STK17A: variants seen among roughly 807,000 people sequenced by gnomAD.
The protein encoded by STK17A is serine/threonine kinase 17a, also known as serine/threonine-protein kinase 17A.
Under a neutral mutation model 43.7 loss-of-function variants are expected in STK17A, and 26 were observed. The observed-to-expected ratio is 0.60, with a 90% CI of 0.44 to 0.83. The LOEUF is 0.83. Ranked by LOEUF, STK17A falls within the 40% of genes least tolerant of loss-of-function variation. The probability of loss-of-function intolerance (pLI) is 0.00; values close to 1 mark genes in which losing one functional copy is unlikely to be tolerated. For synonymous variants in STK17A, 191 were observed against 182.5 expected, an observed-to-expected ratio of 1.05 and a Z score of -0.38; for missense variants, 476 against 511.6, an observed-to-expected ratio of 0.93 and a Z score of 0.67.
chr7:43,592,492 A>C (rs958984319), intron 1 of STK17A, among the ~76,000 whole-genome samples: 2 of 152,178 alleles, frequency 1.3e-5, no homozygotes, highest in African/African-American at 4.8e-5. Flanking sequence ...ATAGCTGGGA[A>C]GGAAGAATTA....
chr7:43,624,173 A>T (rs2084237082), intron 6 of STK17A, among the ~76,000 whole-genome samples: 1 of 152,222 alleles, frequency 6.6e-6, no homozygotes, highest in African/African-American at 2.4e-5. Flanking sequence ...TATTATTGCA[A>T]ATGTGTCATG....
chr7:43,586,603 G>A (rs552645225), intron 1 of STK17A, among the ~76,000 whole-genome samples: 4 of 151,370 alleles, frequency 2.6e-5, no homozygotes, highest in African/African-American at 9.7e-5. Context: ...TAATTTTTTC[G>A]TGTTGATTTC....
At chr7:43,623,414 G>C in intron 4 of STK17A, 158 bp from the exon 5 acceptor site, 1 of 628,016 alleles carries the variant, frequency 1.6e-6, no homozygotes. Context: ...ATCTAGTTAG[G>C]CTTTATATTA....
At position 43,583,229 on chromosome 7, in the gene STK17A, G is replaced by A. The variant is rs2082412349; in HGVS notation, c.-15G>A. 1.3e-6 allele frequency: 2 copies of A among 1,556,170 alleles called. No homozygotes were observed. The highest frequency in any genetic ancestry group is 1.7e-4 in the Middle Eastern group (1 of 5,810). ...GAGTGAACAGGCGGCCAGGAAAGAA[G>A]CGGGCCTGAACACCATGATCCCTTT... On this transcript the variant is annotated 5_prime_UTR_variant, in exon 1 of 7. Transcript: ENST00000319357.
Position 43,624,766 on chromosome 7 carries a change from A to G in STK17A, c.1169A>G (p.Glu390Gly). The G allele has an allele frequency of 1.9e-6, 3 of 1,613,496 alleles. No homozygotes were observed. The highest frequency in any genetic ancestry group is 2.5e-6 in the Non-Finnish European group (3 of 1,179,634). ...QCRQSEKEKMEQKAISKRFKF... is the reference protein window; with the variant it reads ...QCRQSEKEKMGQKAISKRFKF... The stretch of plus-strand genomic sequence containing the variant: ...AGACAGTCTGAAAAAGAGAAAATGG[A>G]GCAAAAGGCCATTTCCAAACGATTT... Residue 390 changes from glutamate to glycine, a missense_variant, in exon 7 of 7, where the codon GAG becomes GGG. Coordinates refer to ENST00000319357, the MANE Select transcript of STK17A (RefSeq NM_004760.3).
intron 1 of STK17A, among the ~76,000 whole-genome samples, chr7:43,584,503 C>T (rs1426314211): frequency 6.6e-6 from 1 of 152,218 alleles, no homozygotes; most frequent in Non-Finnish European, 1.5e-5. Context: ...TTATTGCCAG[C>T]ATTTGTCATG....
intron 2 of STK17A, among the ~76,000 whole-genome samples, chr7:43,605,658 C>T (rs539428723): frequency 6.6e-6 from 1 of 151,948 alleles, no homozygotes; most frequent in South Asian, 2.1e-4. Flanking sequence ...CTGCTGCATT[C>T]CACTTCTGCT....
intron 1 of STK17A, among the ~76,000 whole-genome samples, chr7:43,594,755 A>G (rs1431950337): frequency 1.3e-5 from 2 of 152,000 alleles, no homozygotes; most frequent in African/African-American, 2.4e-5. Context: ...TTGTGTCCCT[A>G]TTATACAGAT....
rs968530739 is a variant in STK17A, at chr7:43,625,679, A to C, written c.*837A>C. On this transcript the variant is annotated 3_prime_UTR_variant, in exon 7 of 7. Transcript: ENST00000319357. The stretch of plus-strand genomic sequence containing the variant: ...TAGGTATCAGTGTGATCTGATCAAC[A>C]CTCTGGTTACCTTGGTCAGTGAAAA... 1.3e-5 allele frequency: 2 copies of C among 151,936 alleles called. No homozygotes were observed. The allele number at this position is 151,936 out of a possible 1,614,324, so 9.4% of individuals were successfully genotyped here. A position where few individuals can be genotyped will look rare whatever the true frequency, so the allele number is the denominator to read the frequency against.
chr7:43,613,782 T>A (rs1401796567), intron 3 of STK17A, among the ~76,000 whole-genome samples: 1 of 152,188 alleles, frequency 6.6e-6, no homozygotes, highest in Non-Finnish European at 1.5e-5. Context: ...AGTTCGAGGC[T>A]GCAGTGGGCT....
At chr7:43,607,541 C>T (rs928838812) in intron 2 of STK17A, among the ~76,000 whole-genome samples, 2 of 144,082 alleles carry the variant, frequency 1.4e-5, no homozygotes, top group Admixed American at 7.2e-5. Context: ...CCCAGCTACT[C>T]GGGAGGCTGA....
intron 3 of STK17A, among the ~76,000 whole-genome samples, chr7:43,616,714 G>A (rs2083379111): frequency 1.3e-5 from 2 of 152,110 alleles, no homozygotes; most frequent in African/African-American, 4.8e-5. Context: ...TGGCTAACAC[G>A]GTGAAACCCC....
At chr7:43,606,855 CT>C (rs200562237) in intron 2 of STK17A, among the ~76,000 whole-genome samples, 4 of 132,804 alleles carry the variant, frequency 3.0e-5, no homozygotes, top group South Asian at 2.4e-4. Context: ...AATATAGTCT[CT>C]TTTTTTTTGA....
At chr7:43,596,696 G>C (rs1293945084) in intron 2 of STK17A, among the ~76,000 whole-genome samples, 1 of 151,878 alleles carries the variant, frequency 6.6e-6, no homozygotes, top group Non-Finnish European at 1.5e-5. Flanking sequence ...GTGAAACCCA[G>C]TCTCTACTAC....
chr7:43,586,893 C>A (rs900928535), intron 1 of STK17A, among the ~76,000 whole-genome samples: 4 of 151,328 alleles, frequency 2.6e-5, no homozygotes, highest in Admixed American at 6.6e-5. Flanking sequence ...AATGTGCAGG[C>A]CTTACAGTTT....
rs2082421291 is a variant in STK17A, at chr7:43,583,920, C to T, written c.206+471C>T. On this transcript the variant is annotated intron_variant, in intron 1 of 6. Coordinates refer to ENST00000319357, the MANE Select transcript of STK17A (RefSeq NM_004760.3). ...GTTGTGACCGCTTCCTTTGCACCGG[C>T]GCTCTGTTACCTTGTGTCGGTCTTC... 4.6e-5 allele frequency among the ~76,000 whole-genome samples: 7 copies of T among 152,182 alleles called. No individual in the cohort carries two copies. The South Asian group carries it at 1.2e-3, about 27-fold the overall frequency.
At chr7:43,598,137 C>T (rs950079518) in intron 2 of STK17A, among the ~76,000 whole-genome samples, 2 of 152,020 alleles carry the variant, frequency 1.3e-5, no homozygotes, top group Admixed American at 6.6e-5. Context: ...CCGACAGTCA[C>T]ACAAATGTAA....
intron 2 of STK17A, among the ~76,000 whole-genome samples, chr7:43,600,717 A>T (rs1435742363): frequency 2.0e-5 from 3 of 152,168 alleles, no homozygotes; most frequent in Non-Finnish European, 4.4e-5. Flanking sequence ...AAAAAAATAC[A>T]TTTTAACCCA....
At chr7:43,588,576 C>T (rs912585296) in intron 1 of STK17A, among the ~76,000 whole-genome samples, 4 of 151,440 alleles carry the variant, frequency 2.6e-5, no homozygotes, top group African/African-American at 4.8e-5. Context: ...AGACATGGCT[C>T]ACACCTGTAA....
Sources: allele counts gnomAD v4.1 joint callset (sites outside exome capture counted in the v4.1 genomes callset), GRCh38; gene constraint gnomAD v4.1.1; transcripts MANE v1.5; gene names NCBI Gene and HGNC (gene_info 2026-07-23, HGNC 2026-07-21).